GOLGA8K: variants seen among roughly 807,000 people sequenced by gnomAD.
The protein encoded by GOLGA8K is golgin subfamily A member 8K.
GOLGA8K carries 12 observed loss-of-function variants against 75.2 expected under a neutral mutation model. The ratio of observed to expected loss-of-function variants is 0.16; its 90% CI spans 0.10 to 0.26. The LOEUF is 0.26. Ranked by LOEUF, GOLGA8K falls within the 10% of genes least tolerant of loss-of-function variation. GOLGA8K has a pLI of 1.00. For synonymous variants in GOLGA8K, 48 were observed against 236.6 expected, an observed-to-expected ratio of 0.20 and a Z score of 7.32; for missense variants, 109 against 640.8, an observed-to-expected ratio of 0.17 and a Z score of 8.96.
rs1363398459 is a variant in GOLGA8K at position 32,392,423 on chromosome 15, T to TA, written c.*358dup. On this transcript the variant is annotated 3_prime_UTR_variant, in exon 19 of 19. Transcript: ENST00000512626. ...GTGAATATACATGCTGCAATAACAT[T>TA]AAAAAAGCATGGCAGCCTATTCCAA... 1.6e-4 allele frequency among the ~76,000 whole-genome samples: 19 copies of TA among 116,560 alleles called. No homozygotes were observed. The highest frequency in any genetic ancestry group is 4.8e-4 in the African/African-American group (18 of 37,604). The allele number at this position is 116,560 out of a possible 152,430, so 76.5% of individuals were successfully genotyped here.
At chr15:32,394,503 T>A (rs2054579990) in intron 14 of GOLGA8K, 162 bp downstream of exon 14, 1 of 651,538 alleles carries the variant, frequency 1.5e-6, no homozygotes, top group Non-Finnish European at 2.6e-6. Flanking sequence ...GACCCCCCGC[T>A]CACAGGAGGT....
Position 32,397,256 on chromosome 15 carries a change from G to A in GOLGA8K, c.733C>T (p.Leu245=). The change falls in exon 10 of 19, where the codon CTA becomes TTA. Residue 245 remains leucine, a synonymous_variant. Transcript: ENST00000512626. ...TGCCACCGGGCCCTCTCTCCTTTTA[G>A]ATGTTCAGAATACTCATCTCTTTCT... is the stretch of plus-strand genomic sequence containing the variant. The part of the protein sequence containing the change: ...QLERDEYSEH[L]KGERARWQQR... The A allele has an allele frequency of 6.4e-7, 1 of 1,567,890 alleles. No homozygotes were observed. Among genetic ancestry groups the A allele is most frequent in the Non-Finnish European group, 8.7e-7 (1 of 1,151,268 alleles).
At chr15:32,398,143 A>C (rs1455820688) in intron 8 of GOLGA8K, among the ~76,000 whole-genome samples, 1 of 147,064 alleles carries the variant, frequency 6.8e-6, no homozygotes. Flanking sequence ...GACATGTTTT[A>C]TGTATATTAT....
At chr15:32,395,160 C>G (rs1162169531) in intron 13 of GOLGA8K, among the ~76,000 whole-genome samples, 6 of 132,158 alleles carry the variant, frequency 4.5e-5, no homozygotes, top group African/African-American at 1.3e-4. Context: ...AGGCCCCTGT[C>G]CCCTTACTCC....
intron 13 of GOLGA8K, among the ~76,000 whole-genome samples, chr15:32,395,649 C>A (rs1368979184): frequency 6.8e-6 from 1 of 146,100 alleles, no homozygotes; most frequent in African/African-American, 2.5e-5. Flanking sequence ...CCTCAGCCTC[C>A]CAAAGTGCTG....
chr15:32,397,493 C>G lies in GOLGA8K; in HGVS notation c.602G>C (p.Arg201Pro), dbSNP rs1376004581. Residue 201 changes from arginine to proline, a missense_variant, in exon 9 of 19, where the codon CGC (arginine) becomes CCC (proline). Transcript: ENST00000512626. ...QKKKANQLSS[R>P]SKARTEWKLE... ...CTTCCACTCCGTACGTGCTTTGCTGCGGCTGGACAACTGGATGGTGAAGAG... is the reference window on the plus strand; with the variant it reads ...CTTCCACTCCGTACGTGCTTTGCTGGGGCTGGACAACTGGATGGTGAAGAG... The G allele has an allele frequency of 1.3e-6, 2 of 1,490,558 alleles. No homozygotes were observed. 92.3% of individuals were successfully genotyped at this position (1,490,558 alleles called of 1,614,324 possible).
chr15:32,395,890 C>A (rs1237768112), intron 13 of GOLGA8K, 73 bp downstream of exon 13: 4 of 1,556,558 alleles, frequency 2.6e-6, no homozygotes, highest in East Asian at 4.6e-5. Context: ...TGACCTGGCA[C>A]CTCCCCTCCC....
At chr15:32,398,131 C>A (rs2054653443) in intron 8 of GOLGA8K, among the ~76,000 whole-genome samples, 1 of 150,524 alleles carries the variant, frequency 6.6e-6, no homozygotes, top group Admixed American at 6.7e-5. Context: ...TGAACCCTTG[C>A]AGACATGTTT....
At chr15:32,398,297 C>G (rs1260532693) in intron 8 of GOLGA8K, among the ~76,000 whole-genome samples, 4 of 147,608 alleles carry the variant, frequency 2.7e-5, no homozygotes, top group African/African-American at 1.0e-4. Context: ...AGGACTTGCC[C>G]AAGACCACAG....
Position 32,397,285 on chromosome 15 carries a change from T to C in GOLGA8K, c.704A>G (p.Gln235Arg), listed in dbSNP as rs754182246. 3.8e-6 allele frequency: 6 copies of C among 1,575,906 alleles called. 1 individual carries two copies. Among genetic ancestry groups the C allele is most frequent in the Non-Finnish European group, 5.2e-6 (6 of 1,155,610 alleles). The change falls in exon 10 of 19, where the codon CAA becomes CGA. Residue 235 changes from glutamine to arginine, a missense_variant. Physicochemically the swap from Gln to Arg is conservative, Grantham distance 43 (BLOSUM62 1). Transcript: ENST00000512626. ...TTCAGAATACTCATCTCTTTCTAATTGGACTTGTTGAAAAGACTCCTTCAA... is the reference window on the plus strand; with the variant it reads ...TTCAGAATACTCATCTCTTTCTAATCGGACTTGTTGAAAAGACTCCTTCAA... The part of the protein sequence containing the change: ...TQLKESFQQV[Q>R]LERDEYSEHL...
In GOLGA8K at chr15:32,394,247, C is replaced by T. The variant is rs563765115; in HGVS notation, c.1277-14G>A. The T allele has an allele frequency of 6.0e-5, 91 of 1,517,950 alleles. 4 individuals are homozygous for T. The highest frequency in any genetic ancestry group is 2.4e-4 in the African/African-American group (16 of 65,976). 94.0% of individuals were successfully genotyped at this position (1,517,950 alleles called of 1,614,324 possible). A position where few individuals can be genotyped will look rare whatever the true frequency, so the allele number is the denominator to read the frequency against. Reference sequence around the variant, plus strand: ...GTTCTCCGTGTCCTGTGGGGGGTGGCCAGAGGGGTCTTCAGACAACCCAAC... The same window carrying T: ...GTTCTCCGTGTCCTGTGGGGGGTGGTCAGAGGGGTCTTCAGACAACCCAAC... On this transcript the variant is annotated splice_polypyrimidine_tract_variant and intron_variant, in intron 14 of 18. Coordinates refer to ENST00000512626, the MANE Select transcript of GOLGA8K (RefSeq NM_001282493.2).
intron 14 of GOLGA8K, 35 bp downstream of exon 14, chr15:32,394,630 G>A (rs1232802546): frequency 1.5e-6 from 2 of 1,322,346 alleles, no homozygotes; most frequent in African/African-American, 1.6e-5. Context: ...TTCCTCCTGG[G>A]GCTCTCTCCT....
chr15:32,396,527 CG>C lies in GOLGA8K; in HGVS notation c.890del (p.Pro297ArgfsTer15). ...LKNQMAEPLP[P>X]EPPAVPSEVE... ...CCTCAGAGGGCACTGCTGGGGGCTC[CG>C]GGGGCAAGGGTTCAGCTGAGAAAGG... On this transcript the variant is annotated frameshift_variant, in exon 12 of 19. Transcript: ENST00000512626. LOFTEE classifies it high-confidence loss of function. 3 of 1,545,802 alleles carry C rather than the reference CG, an allele frequency of 1.9e-6. No individual in the cohort carries two copies.
chr15:32,398,249 C>T lies in GOLGA8K; in HGVS notation c.591+311G>A, dbSNP rs1331147318. ...AACATACTAAAGGTACTCTTCTGTA[C>T]CTTCACAGTACAAGTACCCAATACC... On this transcript the variant is annotated intron_variant, in intron 8 of 18. Coordinates refer to ENST00000512626, the MANE Select transcript of GOLGA8K (RefSeq NM_001282493.2). Among the ~76,000 whole-genome samples the T allele has an allele frequency of 3.8e-4, 55 of 145,936 alleles. 2 individuals are homozygous for T. The South Asian group carries it at 0.011, about 29-fold the overall frequency.
rs1246696730 is a variant in GOLGA8K, at chr15:32,397,586, C to T, written c.592-83G>A. Reference sequence around the variant, plus strand: ...GCCCCTTAACAGGGCTAGGGCTAGGCCCAATATACAACTCGGTCAGTAAAG... The same window carrying T: ...GCCCCTTAACAGGGCTAGGGCTAGGTCCAATATACAACTCGGTCAGTAAAG... On this transcript the variant is annotated intron_variant, in intron 8 of 18. Transcript: ENST00000512626. The T allele has an allele frequency of 1.9e-5, 27 of 1,442,564 alleles. 1 individual carries two copies. In the East Asian group the frequency reaches 6.1e-4, roughly 32 times the overall value. 89.4% of individuals were successfully genotyped at this position (1,442,564 alleles called of 1,614,324 possible).
At chr15:32,395,549 T>C (rs1240740525) in intron 13 of GOLGA8K, among the ~76,000 whole-genome samples, 1 of 101,984 alleles carries the variant, frequency 9.8e-6, no homozygotes, top group Non-Finnish European at 2.4e-5. Flanking sequence ...CCTGCTAATT[T>C]TTTTTTTTTT....
chr15:32,395,605 G>A (rs1023601565), intron 13 of GOLGA8K, among the ~76,000 whole-genome samples: 2 of 144,992 alleles, frequency 1.4e-5, no homozygotes, highest in African/African-American at 5.0e-5. Flanking sequence ...TGGCCAGGCT[G>A]ATCCCAAACT....
At chr15:32,398,022 CA>C (rs1426518107) in intron 8 of GOLGA8K, among the ~76,000 whole-genome samples, 7 of 152,152 alleles carry the variant, frequency 4.6e-5, no homozygotes, top group Non-Finnish European at 7.4e-5. Context: ...ATCTTTTGTT[CA>C]CTTTTTGAAA....
intron 13 of GOLGA8K, 51 bp downstream of exon 13, chr15:32,395,912 G>A: frequency 6.6e-7 from 1 of 1,520,644 alleles, no homozygotes. Flanking sequence ...AGAGGCTGCT[G>A]CCCGCCTCCC....
Sources: gnomAD v4.1 joint callset for allele counts (sites outside exome capture counted in the v4.1 genomes callset) on GRCh38, gnomAD v4.1.1 for gene constraint, MANE v1.5 for transcripts, NCBI Gene and HGNC (gene_info 2026-07-23, HGNC 2026-07-21) for gene names.